The following ASTN2 variants were observed in gnomAD, a reference collection of about 807,000 sequenced individuals.
ASTN2 encodes the protein astrotactin-2.
In ASTN2, 54 loss-of-function variants were observed where a neutral mutation model predicts 139.8. That is an observed-to-expected ratio of 0.39 (90% CI 0.31 to 0.48). ASTN2 has a LOEUF of 0.48. Ranked by LOEUF, ASTN2 falls within the 20% of genes least tolerant of loss-of-function variation. The probability of loss-of-function intolerance (pLI) is 0.95; values close to 1 mark genes in which losing one functional copy is unlikely to be tolerated. For missense variants in ASTN2, 1,565 were observed against 1,725.1 expected, an observed-to-expected ratio of 0.91 and a Z score of 1.64; for synonymous variants, 756 against 719.5, an observed-to-expected ratio of 1.05 and a Z score of -0.81.
chr9:117,097,560 G>T (rs1448759508), intron 4 of ASTN2, among the ~76,000 whole-genome samples: 1 of 152,250 alleles, frequency 6.6e-6, no homozygotes, highest in African/African-American at 2.4e-5. Flanking sequence ...TAGACTTTCT[G>T]GGAGGAGACT....
chr9:116,480,174 G>C (rs1363154394), intron 20 of ASTN2, among the ~76,000 whole-genome samples: 1 of 151,818 alleles, frequency 6.6e-6, no homozygotes, highest in African/African-American at 2.4e-5. Context: ...GGAAGGAAGG[G>C]AGGAAGGGAA....
chr9:116,883,656 A>G (rs1833514117), intron 10 of ASTN2, among the ~76,000 whole-genome samples: 1 of 152,186 alleles, frequency 6.6e-6, no homozygotes, highest in African/African-American at 2.4e-5. Flanking sequence ...AGTGGCATGG[A>G]GGTTGCAGAT....
At chr9:117,342,472 G>A (rs1829092272) in intron 1 of ASTN2, among the ~76,000 whole-genome samples, 2 of 152,214 alleles carry the variant, frequency 1.3e-5, no homozygotes, top group Non-Finnish European at 2.9e-5. Context: ...TTCCCAAAGT[G>A]AGTCCTGCCT....
At chr9:116,801,940 A>G (rs897755786) in intron 13 of ASTN2, among the ~76,000 whole-genome samples, 1 of 152,126 alleles carries the variant, frequency 6.6e-6, no homozygotes, top group African/African-American at 2.4e-5. Flanking sequence ...GGCTGTTCAG[A>G]GGCAATCCAG....
chr9:116,582,601 C>G (rs1438469698), intron 19 of ASTN2: 1 of 152,190 alleles, frequency 6.6e-6, no homozygotes, highest in East Asian at 1.9e-4. Flanking sequence ...TGTTATTGTA[C>G]CTTTGTTTGT....
intron 10 of ASTN2, among the ~76,000 whole-genome samples, chr9:116,920,464 C>CA (rs1231222411): frequency 2.0e-5 from 3 of 152,004 alleles, no homozygotes; most frequent in Non-Finnish European, 2.9e-5. Flanking sequence ...CAGGGTCTCT[C>CA]AAAAAAAATC....
chr9:116,932,276 A>G (rs1382641385), intron 10 of ASTN2, among the ~76,000 whole-genome samples: 1 of 152,188 alleles, frequency 6.6e-6, no homozygotes, highest in Non-Finnish European at 1.5e-5. Flanking sequence ...CCATCTAACA[A>G]TGGAGACAGA....
intron 2 of ASTN2, among the ~76,000 whole-genome samples, chr9:117,267,266 A>G (rs1362087305): frequency 6.6e-6 from 1 of 152,242 alleles, no homozygotes; most frequent in Non-Finnish European, 1.5e-5. Context: ...GGAGGAGACC[A>G]TGGAGACATG....
intron 1 of ASTN2, among the ~76,000 whole-genome samples, chr9:117,407,001 C>T (rs868058714): frequency 4.6e-5 from 7 of 151,978 alleles, no homozygotes; most frequent in Non-Finnish European, 8.8e-5. Context: ...CACTGGTGCT[C>T]AGTGATTCAA....
intron 19 of ASTN2, among the ~76,000 whole-genome samples, chr9:116,598,371 C>T (rs565254605): frequency 6.6e-6 from 1 of 152,302 alleles, no homozygotes; most frequent in South Asian, 2.1e-4. Flanking sequence ...CATAACTTGC[C>T]AGGAGACTCA....
At chr9:116,528,270 G>T (rs775426043) in intron 19 of ASTN2, among the ~76,000 whole-genome samples, 13 of 152,156 alleles carry the variant, frequency 8.5e-5, no homozygotes, top group African/African-American at 2.9e-4. Flanking sequence ...GTCACTCTTG[G>T]TATGCTTTAG....
chr9:117,405,943 C>T (rs774827545), intron 1 of ASTN2, among the ~76,000 whole-genome samples: 8 of 152,184 alleles, frequency 5.3e-5, no homozygotes, highest in Non-Finnish European at 1.0e-4. Flanking sequence ...GCAGCAATGG[C>T]TATGGGTGCT....
At chr9:116,934,266 G>A (rs1245394077) in intron 10 of ASTN2, among the ~76,000 whole-genome samples, 1 of 152,084 alleles carries the variant, frequency 6.6e-6, no homozygotes, top group Non-Finnish European at 1.5e-5. Flanking sequence ...AGGTGCCAAT[G>A]TTCTGCAAAT....
chr9:116,869,819 TA>T, intron 10 of ASTN2, among the ~76,000 whole-genome samples: 1 of 152,264 alleles, frequency 6.6e-6, no homozygotes, highest in East Asian at 1.9e-4. Context: ...AAACCTGTAT[TA>T]AAGATGGGTG....
chr9:116,985,026 T>C (rs1221240781), intron 7 of ASTN2, among the ~76,000 whole-genome samples: 2 of 152,228 alleles, frequency 1.3e-5, no homozygotes, highest in South Asian at 2.1e-4. Context: ...AGAAGCTTTA[T>C]GAAATGAGGA....
chr9:117,096,860 G>C (rs1828852650), intron 4 of ASTN2, among the ~76,000 whole-genome samples: 1 of 152,196 alleles, frequency 6.6e-6, no homozygotes, highest in South Asian at 2.1e-4. Flanking sequence ...AGGACTTCCA[G>C]CAGAGGTACC....
intron 4 of ASTN2, among the ~76,000 whole-genome samples, chr9:117,136,901 A>G (rs1462736624): frequency 6.6e-6 from 1 of 152,234 alleles, no homozygotes; most frequent in Non-Finnish European, 1.5e-5. Context: ...TCCAGAAGGG[A>G]AAACAGAGCT....
At chr9:116,483,289 G>A (rs1023433550) in intron 20 of ASTN2, among the ~76,000 whole-genome samples, 2 of 152,318 alleles carry the variant, frequency 1.3e-5, no homozygotes, top group South Asian at 2.1e-4. Flanking sequence ...AACAGGGCAC[G>A]GGTGCTGATG....
chr9:116,694,459 C>CTTTTTTTTTTTT (rs56666915), intron 16 of ASTN2, among the ~76,000 whole-genome samples: 3 of 88,036 alleles, frequency 3.4e-5, no homozygotes, highest in Non-Finnish European at 6.0e-5. Context: ...TGTAATTTCT[C>CTTTTTTTTTTTT]TTTTTTTTTT....
Sources: allele counts gnomAD v4.1 joint callset (sites outside exome capture counted in the v4.1 genomes callset), GRCh38; gene constraint gnomAD v4.1.1; transcripts MANE v1.5; gene names NCBI Gene and HGNC (gene_info 2026-07-23, HGNC 2026-07-21).